Variants in PTBP3 observed in about 807,000 individuals in gnomAD.
PTBP3 encodes polypyrimidine tract-binding protein 3.
In PTBP3, 20 loss-of-function variants were observed where a neutral mutation model predicts 58.7. The ratio of observed to expected loss-of-function variants is 0.34; its 90% CI spans 0.24 to 0.50. The LOEUF (loss-of-function observed/expected upper bound fraction) is 0.50. PTBP3 is among the 20% of genes least tolerant of loss of function. The pLI, the probability that PTBP3 is intolerant of heterozygous loss-of-function variation, is 0.98. For missense variants in PTBP3, 509 were observed against 637.2 expected (o/e 0.80, Z 2.17); for synonymous variants, 185 against 219.8 (o/e 0.84, Z 1.40).
intron 12 of PTBP3, among the ~76,000 whole-genome samples, chr9:112,225,609 GGTT>G (rs1834956365): frequency 6.6e-6 from 1 of 152,078 alleles, no homozygotes; most frequent in Non-Finnish European, 1.5e-5. Flanking sequence ...TTTTAAAAAA[GGTT>G]GTTGTGGAGA....
chr9:112,252,750 G>C lies in PTBP3; in HGVS notation c.555C>G (p.Thr185=). 2 of 1,612,080 alleles carry C rather than the reference G, an allele frequency of 1.2e-6. No individual in the cohort carries two copies. Among genetic ancestry groups the C allele is most frequent in the Non-Finnish European group, 1.7e-6 (2 of 1,178,676 alleles). The part of the protein sequence containing the change: ...SKFGTVLKII[T]FTKNNQFQAL... Reference sequence around the variant, plus strand: ...CTTGAAACTGATTATTCTTTGTAAAGGTGATAATCTTCAAGACTGTGCCAA... The same window carrying C: ...CTTGAAACTGATTATTCTTTGTAAACGTGATAATCTTCAAGACTGTGCCAA... Residue 185 remains threonine, a synonymous_variant, in exon 6 of 14, where the codon ACC becomes ACG. Transcript: ENST00000374257.
At chr9:112,249,527 G>A (rs1836019827) in intron 7 of PTBP3, among the ~76,000 whole-genome samples, 1 of 152,066 alleles carries the variant, frequency 6.6e-6, no homozygotes, top group Admixed American at 6.6e-5. Flanking sequence ...GATAGGCAAA[G>A]TAGAGAAACT....
rs1415228127 is a variant in PTBP3 at position 112,311,265 on chromosome 9, C to T, written c.-51-13349G>A. Among the ~76,000 whole-genome samples, 5 of 151,682 alleles carry T rather than the reference C, an allele frequency of 3.3e-5. No individual in the cohort carries two copies. The East Asian group carries it at 9.7e-4, about 29-fold the overall frequency. On this transcript the variant is annotated intron_variant, in intron 1 of 13. Coordinates refer to ENST00000374257, the MANE Select transcript of PTBP3 (RefSeq NM_001163788.4). ...TTCTGCATCTGTAGATTCAAACAATCACAGATTGAAAATATTTGGAAAAAA... is the reference window on the plus strand; with the variant it reads ...TTCTGCATCTGTAGATTCAAACAATTACAGATTGAAAATATTTGGAAAAAA...
chr9:112,290,490 G>A (rs1828344209), intron 2 of PTBP3, among the ~76,000 whole-genome samples: 1 of 151,562 alleles, frequency 6.6e-6, no homozygotes, highest in South Asian at 2.1e-4. Flanking sequence ...TGGCCAACAT[G>A]GTAAAACCCT....
At chr9:112,263,019 T>G (rs370085629) in intron 4 of PTBP3, among the ~76,000 whole-genome samples, 2 of 152,184 alleles carry the variant, frequency 1.3e-5, no homozygotes, top group East Asian at 1.9e-4. Flanking sequence ...TCTAAAAGAA[T>G]AGCTGATTCC....
intron 2 of PTBP3, among the ~76,000 whole-genome samples, chr9:112,289,041 C>T (rs1406851578): frequency 6.6e-6 from 1 of 152,044 alleles, no homozygotes; most frequent in Non-Finnish European, 1.5e-5. Flanking sequence ...AAGCACGTGC[C>T]TATCAGAAAA....
chr9:112,256,265 A>C (rs537307508), intron 5 of PTBP3, among the ~76,000 whole-genome samples: 1 of 122,534 alleles, frequency 8.2e-6, no homozygotes, highest in African/African-American at 3.3e-5. Context: ...AAAAAAAAAA[A>C]AAACAAAATA....
chr9:112,247,432 A>T (rs982999284), intron 7 of PTBP3, among the ~76,000 whole-genome samples: 2 of 151,796 alleles, frequency 1.3e-5, no homozygotes, highest in Non-Finnish European at 1.5e-5. Context: ...GTTCTGTCAT[A>T]AAAGACATTA....
At chr9:112,299,380 A>C (rs1020531355) in intron 1 of PTBP3, among the ~76,000 whole-genome samples, 1 of 152,234 alleles carries the variant, frequency 6.6e-6, no homozygotes, top group Non-Finnish European at 1.5e-5. Flanking sequence ...GATAACATTA[A>C]AATTAACAAT....
At chr9:112,313,046 A>G (rs891283504) in intron 1 of PTBP3, among the ~76,000 whole-genome samples, 1 of 149,578 alleles carries the variant, frequency 6.7e-6, no homozygotes, top group African/African-American at 2.5e-5. Flanking sequence ...TGTTTCAAAG[A>G]AAAAAAAAAG....
chr9:112,325,410 G>A (rs890881666), intron 1 of PTBP3, among the ~76,000 whole-genome samples: 4 of 152,106 alleles, frequency 2.6e-5, no homozygotes, highest in Admixed American at 2.0e-4. Flanking sequence ...ACCTGAGGTG[G>A]AAGCCAGCTG....
At chr9:112,235,577 A>C (rs1055334897) in intron 7 of PTBP3, among the ~76,000 whole-genome samples, 6 of 152,216 alleles carry the variant, frequency 3.9e-5, no homozygotes, top group Admixed American at 2.0e-4. Context: ...CAGACAAATG[A>C]TTAATTTGGT....
chr9:112,340,383 G>A, the PTBP3 span, among the ~76,000 whole-genome samples: 376 of 151,948 alleles, frequency 2.5e-3, 1 homozygote, highest in African/African-American at 8.6e-3. Context: ...TTAATGTCTT[G>A]TGTTTGTTTT....
chr9:112,313,887 T>TGA, intron 1 of PTBP3, among the ~76,000 whole-genome samples: 1 of 152,180 alleles, frequency 6.6e-6, no homozygotes, highest in East Asian at 1.9e-4. Context: ...TCCATACCGA[T>TGA]GAATTCATCC....
chr9:112,291,016 G>A (rs1451158333), intron 2 of PTBP3, among the ~76,000 whole-genome samples: 3 of 152,088 alleles, frequency 2.0e-5, no homozygotes, highest in East Asian at 1.9e-4. Context: ...GAGGTCAGGA[G>A]TTTGAGACCA....
intron 2 of PTBP3, among the ~76,000 whole-genome samples, chr9:112,288,195 T>C (rs895050728): frequency 1.3e-5 from 2 of 152,154 alleles, no homozygotes; most frequent in Non-Finnish European, 2.9e-5. Context: ...TGCCCTTGAG[T>C]GTGCTTCAAG....
At chr9:112,248,569 G>A (rs1336595813) in intron 7 of PTBP3, among the ~76,000 whole-genome samples, 3 of 152,026 alleles carry the variant, frequency 2.0e-5, no homozygotes, top group Non-Finnish European at 4.4e-5. Flanking sequence ...TAGTAATTAG[G>A]AAAATGCAAG....
At chr9:112,228,503 A>C in intron 10 of PTBP3, 31 bp from the exon 11 acceptor site, 1 of 1,415,400 alleles carries the variant, frequency 7.1e-7, no homozygotes, top group Non-Finnish European at 9.7e-7. Flanking sequence ...CACTGTGTTT[A>C]ACGTCTGATT....
the PTBP3 span, among the ~76,000 whole-genome samples, chr9:112,371,571 G>A: frequency 4.0e-5 from 6 of 151,262 alleles, no homozygotes; most frequent in Non-Finnish European, 5.9e-5. Flanking sequence ...CAAGAGCTTT[G>A]GTGTATTTCT....
Sources: allele counts gnomAD v4.1 joint callset (sites outside exome capture counted in the v4.1 genomes callset), GRCh38; gene constraint gnomAD v4.1.1; transcripts MANE v1.5; gene names NCBI Gene and HGNC (gene_info 2026-07-23, HGNC 2026-07-21).